The following FOXP1 variants were observed in gnomAD, a reference collection of about 807,000 sequenced individuals.
FOXP1 encodes the protein forkhead box P1, also known as forkhead box protein P1.
Under a neutral mutation model 98.2 loss-of-function variants are expected in FOXP1, and 15 were observed. That is an observed-to-expected ratio of 0.15 (90% CI 0.10 to 0.24). The LOEUF (loss-of-function observed/expected upper bound fraction) is 0.24, where lower values mean the gene tolerates loss of function less well. FOXP1 is among the 10% of genes least tolerant of loss of function. The pLI is 1.00. For missense variants in FOXP1, 633 were observed against 848.5 expected (o/e 0.75, Z 3.15); for synonymous variants, 371 against 314.5 (o/e 1.18, Z -1.90).
chr3:71,364,837 G>A (rs1005878949), intron 3 of FOXP1, among the ~76,000 whole-genome samples: 2 of 152,172 alleles, frequency 1.3e-5, no homozygotes, highest in African/African-American at 4.8e-5. Flanking sequence ...CATATTAACT[G>A]TTAACTAATT....
intron 11 of FOXP1, among the ~76,000 whole-genome samples, chr3:71,035,670 C>A (rs773068423): frequency 5.9e-5 from 9 of 152,232 alleles, no homozygotes; most frequent in Non-Finnish European, 8.8e-5. Flanking sequence ...AATTTGACCA[C>A]AGGTTCTCCA....
intron 3 of FOXP1, among the ~76,000 whole-genome samples, chr3:71,436,775 A>G (rs2108430325): frequency 6.6e-6 from 1 of 152,282 alleles, no homozygotes; most frequent in Admixed American, 6.5e-5. Context: ...ACTTGGAGCC[A>G]GCCAGGCAAG....
chr3:70,974,561 G>C (rs1035050787), intron 17 of FOXP1, among the ~76,000 whole-genome samples: 15 of 152,098 alleles, frequency 9.9e-5, no homozygotes, highest in African/African-American at 3.4e-4. Context: ...CTGAAGTGCC[G>C]GGATCACAGG....
At chr3:71,056,628 T>TA (rs1319447697) in intron 7 of FOXP1, among the ~76,000 whole-genome samples, 1 of 152,356 alleles carries the variant, frequency 6.6e-6, no homozygotes, top group Admixed American at 6.5e-5. Flanking sequence ...ACTTCGCTTT[T>TA]ACTATCTGAA....
chr3:71,389,364 ACCTGCGTT>A (rs2080867707), intron 3 of FOXP1, among the ~76,000 whole-genome samples: 1 of 151,434 alleles, frequency 6.6e-6, no homozygotes, highest in Non-Finnish European at 1.5e-5. Context: ...CATGAGCGAC[ACCTGCGTT>A]CCTCTTGGCA....
intron 2 of FOXP1, among the ~76,000 whole-genome samples, chr3:71,523,330 C>T (rs906130004): frequency 2.6e-5 from 4 of 152,128 alleles, no homozygotes; most frequent in Non-Finnish European, 5.9e-5. Context: ...GGTGTTAAAG[C>T]CAGAGGCAGG....
intron 3 of FOXP1, among the ~76,000 whole-genome samples, chr3:71,476,100 T>C (rs2089813105): frequency 6.6e-6 from 1 of 152,146 alleles, no homozygotes; most frequent in African/African-American, 2.4e-5. Context: ...ACATCACTAG[T>C]GTGTTAAGTG....
intron 17 of FOXP1, among the ~76,000 whole-genome samples, chr3:70,976,078 C>A (rs571232044): frequency 7.5e-6 from 1 of 134,170 alleles, no homozygotes; most frequent in South Asian, 2.3e-4. Flanking sequence ...GAGACAGGGT[C>A]TTGCTCTGTT....
At chr3:71,547,237 T>A (rs930738426) in intron 2 of FOXP1, among the ~76,000 whole-genome samples, 1 of 152,194 alleles carries the variant, frequency 6.6e-6, no homozygotes, top group African/African-American at 2.4e-5. Context: ...CCCCTTCATT[T>A]TAACACTGTG....
chr3:71,083,715 T>C (rs530004751), intron 7 of FOXP1, among the ~76,000 whole-genome samples: 16 of 151,810 alleles, frequency 1.1e-4, no homozygotes, highest in African/African-American at 2.9e-4. Flanking sequence ...AACAGAACAA[T>C]TGGAACAGAC....
At chr3:71,469,815 C>T (rs540293142) in intron 3 of FOXP1, among the ~76,000 whole-genome samples, 1 of 152,178 alleles carries the variant, frequency 6.6e-6, no homozygotes, top group Non-Finnish European at 1.5e-5. Flanking sequence ...AGTTCCCCCC[C>T]AGTGAATTTT....
intron 3 of FOXP1, among the ~76,000 whole-genome samples, chr3:71,454,831 C>T (rs913072849): frequency 6.6e-6 from 1 of 151,966 alleles, no homozygotes; most frequent in African/African-American, 2.4e-5. Context: ...TTTCTGAGCG[C>T]CATCTCTCTC....
At chr3:71,544,079 G>C (rs1197390020) in intron 2 of FOXP1, among the ~76,000 whole-genome samples, 1 of 151,614 alleles carries the variant, frequency 6.6e-6, no homozygotes, top group Non-Finnish European at 1.5e-5. Flanking sequence ...ACACATATAT[G>C]TGTGTATTTC....
At chr3:71,537,802 C>G (rs1025578823) in intron 2 of FOXP1, among the ~76,000 whole-genome samples, 8 of 152,228 alleles carry the variant, frequency 5.3e-5, no homozygotes, top group African/African-American at 1.7e-4. Flanking sequence ...ATCTTTCTGA[C>G]CACCTGCTTT....
chr3:71,541,959 C>T (rs993666759), intron 2 of FOXP1: 1 of 531,526 alleles, frequency 1.9e-6, no homozygotes, highest in Non-Finnish European at 3.9e-6. Context: ...TGGCATCACG[C>T]CGCGCGAGAC....
chr3:71,044,401 A>C (rs1464283211), intron 10 of FOXP1, among the ~76,000 whole-genome samples: 4 of 152,252 alleles, frequency 2.6e-5, no homozygotes, highest in Non-Finnish European at 5.9e-5. Flanking sequence ...AGGGAGGATG[A>C]GATGATTAAA....
intron 14 of FOXP1, among the ~76,000 whole-genome samples, chr3:70,985,651 C>T (rs1443734667): frequency 6.6e-6 from 1 of 152,052 alleles, no homozygotes; most frequent in African/African-American, 2.4e-5. Flanking sequence ...TATAATGCTG[C>T]CTGTGAAGGG....
intron 6 of FOXP1, among the ~76,000 whole-genome samples, chr3:71,121,538 T>G (rs1400168477): frequency 6.6e-6 from 1 of 151,898 alleles, no homozygotes; most frequent in East Asian, 1.9e-4. Context: ...ATAACCACCT[T>G]GCTGAGGCAC....
At chr3:70,961,304 C>T (rs1435748998) in intron 20 of FOXP1, among the ~76,000 whole-genome samples, 1 of 152,088 alleles carries the variant, frequency 6.6e-6, no homozygotes, top group South Asian at 2.1e-4. Context: ...GATCTCGGCT[C>T]ACTGCAACCT....
Sources: allele counts gnomAD v4.1 joint callset (sites outside exome capture counted in the v4.1 genomes callset), GRCh38; gene constraint gnomAD v4.1.1; transcripts MANE v1.5; gene names NCBI Gene and HGNC (gene_info 2026-07-23, HGNC 2026-07-21).